The following MYO1H variants were observed in gnomAD, a reference collection of about 807,000 sequenced individuals.
The protein encoded by MYO1H is myosin IH.
In MYO1H, 118 loss-of-function variants were observed where a neutral mutation model predicts 149.3. That is an observed-to-expected ratio of 0.79 (90% CI 0.68 to 0.92). MYO1H has a LOEUF of 0.92. Ranked by LOEUF, MYO1H falls within the 40% of genes least tolerant of loss-of-function variation. The probability of loss-of-function intolerance (pLI) is 0.00; values close to 1 mark genes in which losing one functional copy is unlikely to be tolerated. For missense variants in MYO1H, 1,212 were observed against 1,280.7 expected (o/e 0.95, Z 0.82); for synonymous variants, 447 against 465.2 (o/e 0.96, Z 0.50).
the MYO1H span, among the ~76,000 whole-genome samples, chr12:109,320,815 C>T: frequency 5.7e-4 from 87 of 152,098 alleles, no homozygotes; most frequent in African/African-American, 1.1e-3. Context: ...CTCGGCTGGG[C>T]GTGGTGGCTC....
chr12:109,404,053 C>T, exon 7 of MYO1H: 6 of 1,613,534 alleles, frequency 3.7e-6, no homozygotes, highest in Non-Finnish European at 5.1e-6. Flanking sequence ...CCTTTTCTGT[C>T]ATTGATTTTA....
At chr12:109,396,788 A>G (rs574569410) in intron 4 of MYO1H, among the ~76,000 whole-genome samples, 1 of 143,748 alleles carries the variant, frequency 7.0e-6, no homozygotes, top group South Asian at 2.2e-4. Context: ...CTACCTTTTA[A>G]GACATTTGGT....
chr12:109,356,028 CTT>C (rs1161029105), intron 1 of MYO1H, among the ~76,000 whole-genome samples: 2 of 152,048 alleles, frequency 1.3e-5, no homozygotes, highest in Non-Finnish European at 2.9e-5. Context: ...ACAGCCTTAG[CTT>C]TAAGTGGTTT....
intron 6 of MYO1H, among the ~76,000 whole-genome samples, chr12:109,402,805 A>C (rs1269819199): frequency 6.6e-6 from 1 of 152,198 alleles, no homozygotes; most frequent in Non-Finnish European, 1.5e-5. Flanking sequence ...CCATAGCATG[A>C]CCAGAAAGGG....
the MYO1H span, among the ~76,000 whole-genome samples, chr12:109,327,488 G>A: frequency 7.9e-5 from 12 of 151,624 alleles, no homozygotes; most frequent in East Asian, 2.0e-4. Context: ...GACGGCTCAC[G>A]CCTGTAATAA....
chr12:109,341,406 A>C, the MYO1H span, among the ~76,000 whole-genome samples: 1 of 152,202 alleles, frequency 6.6e-6, no homozygotes, highest in Non-Finnish European at 1.5e-5. Flanking sequence ...TCTGCAAAAA[A>C]TCAGATAAAA....
intron 9 of MYO1H, among the ~76,000 whole-genome samples, chr12:109,407,399 C>A (rs1374950956): frequency 6.6e-6 from 1 of 150,518 alleles, no homozygotes; most frequent in Non-Finnish European, 1.5e-5. Context: ...CATGGGCACT[C>A]AAGAAAGAGC....
chr12:109,386,636 A>G (rs894958869), intron 1 of MYO1H, among the ~76,000 whole-genome samples: 7 of 152,184 alleles, frequency 4.6e-5, no homozygotes, highest in Admixed American at 4.6e-4. Flanking sequence ...CAATTTGTCT[A>G]TCTTCCTTTG....
chr12:109,404,599 T>G (rs369473724), intron 7 of MYO1H, among the ~76,000 whole-genome samples: 1 of 152,240 alleles, frequency 6.6e-6, no homozygotes, highest in African/African-American at 2.4e-5. Context: ...GGCAAACTTA[T>G]ACTAAAAAAT....
the MYO1H span, among the ~76,000 whole-genome samples, chr12:109,312,201 GTTT>G: frequency 3.0e-5 from 4 of 132,918 alleles, no homozygotes; most frequent in South Asian, 6.8e-4. Flanking sequence ...AAGAAGTTCA[GTTT>G]TTTTTTTTGT....
rs369541115 is a variant in MYO1H at position 109,439,679 on chromosome 12, C to T, written c.2343C>T (p.Asn781=). 1.4e-4 allele frequency: 230 copies of T among 1,613,670 alleles called. 1 individual carries two copies. In the African/African-American group the frequency reaches 2.5e-3, roughly 18 times the overall value. ...GCAACAAACCCCTCTGTCCTGACAA[C>T]GAGGAATTTATCGTGTTTGTGCGGA... The change falls in exon 24 of 32, where the codon AAC becomes AAT. Residue 781 remains asparagine, a synonymous_variant. Coordinates refer to ENST00000310903, the Ensembl canonical transcript of MYO1H.
intron 28 of MYO1H, among the ~76,000 whole-genome samples, chr12:109,443,902 A>C (rs1308585675): frequency 8.7e-6 from 1 of 114,758 alleles, no homozygotes; most frequent in African/African-American, 4.0e-5. Flanking sequence ...ACTCTGGCTC[A>C]AAAAAAAAAA....
At chr12:109,393,275 G>A (rs1326048482) in intron 2 of MYO1H, 56 bp from the exon 3 acceptor site, 2 of 1,036,704 alleles carry the variant, frequency 1.9e-6, no homozygotes, top group African/African-American at 3.2e-5. Context: ...ATCATCATGT[G>A]TGACAGTCTT....
At chr12:109,413,683 C>G (rs11066522) in intron 14 of MYO1H, among the ~76,000 whole-genome samples, 49,856 of 151,830 alleles carry the variant, frequency 0.33, 8,335 homozygotes, top group Admixed American at 0.4. Flanking sequence ...GCCGAGGCAG[C>G]TGGATCACCT....
chr12:109,354,746 T>C (rs1260364916), intron 1 of MYO1H, among the ~76,000 whole-genome samples: 2 of 152,178 alleles, frequency 1.3e-5, no homozygotes, highest in African/African-American at 4.8e-5. Context: ...ATAGCCAGTT[T>C]CTGGCTAAAG....
rs767227594 is a variant in MYO1H at position 109,390,962 on chromosome 12, CCTA to C, written c.174+2121_174+2123del. 4.6e-5 allele frequency among the ~76,000 whole-genome samples: 7 copies of C among 152,348 alleles called. No individual in the cohort carries two copies. The East Asian group carries it at 1.3e-3, about 29-fold the overall frequency. ...GGATTACTGTGCCCGGCCCACCCAT[CCTA>C]CTTTCACTCAATGCCAGAGAGACCT... On this transcript the variant is annotated intron_variant, in intron 2 of 31. Coordinates refer to ENST00000310903, the Ensembl canonical transcript of MYO1H.
At chr12:109,410,118 G>T in intron 12 of MYO1H, 50 bp downstream of exon 12, 1 of 912,396 alleles carries the variant, frequency 1.1e-6, no homozygotes, top group South Asian at 2.6e-5. Context: ...TCTAGCTAAA[G>T]ACTTCTTTTT....
chr12:109,365,646 C>G (rs1440629599), intron 1 of MYO1H, among the ~76,000 whole-genome samples: 1 of 152,130 alleles, frequency 6.6e-6, no homozygotes, highest in Non-Finnish European at 1.5e-5. Context: ...TTAGTTTGCT[C>G]TTTTGAAAAA....
At chr12:109,393,116 C>A (rs772303184) in intron 2 of MYO1H, among the ~76,000 whole-genome samples, 3 of 152,076 alleles carry the variant, frequency 2.0e-5, no homozygotes, top group Non-Finnish European at 4.4e-5. Context: ...CCATGTACAC[C>A]TTTCTTAACA....
Sources: allele counts gnomAD v4.1 joint callset (sites outside exome capture counted in the v4.1 genomes callset), GRCh38; gene constraint gnomAD v4.1.1; transcripts MANE v1.5; gene names NCBI Gene and HGNC (gene_info 2026-07-23, HGNC 2026-07-21).